Variants in CRIM1 observed in about 807,000 individuals in gnomAD.
The protein encoded by CRIM1 is cysteine rich transmembrane BMP regulator 1.
In CRIM1, 32 loss-of-function variants were observed where a neutral mutation model predicts 116.4. The ratio of observed to expected loss-of-function variants is 0.27; its 90% CI spans 0.21 to 0.37. The LOEUF (loss-of-function observed/expected upper bound fraction) is 0.37, where lower values mean the gene tolerates loss of function less well. CRIM1 is among the 10% of genes least tolerant of loss of function. The pLI, the probability that CRIM1 is intolerant of heterozygous loss-of-function variation, is 1.00. For missense variants in CRIM1, 1,331 were observed against 1,354.8 expected, an observed-to-expected ratio of 0.98 and a Z score of 0.28; for synonymous variants, 590 against 509.2, an observed-to-expected ratio of 1.16 and a Z score of -2.13.
intron 2 of CRIM1, 86 bp from the exon 3 acceptor site, chr2:36,441,172 A>C (rs1675787949): frequency 1.3e-6 from 2 of 1,560,404 alleles, no homozygotes; most frequent in Non-Finnish European, 1.8e-6. Context: ...TGGCTACTTA[A>C]ATAGATCATC....
Position 36,522,257 on chromosome 2 carries a change from C to T in CRIM1, c.2372C>T (p.Ser791Phe). 6.2e-7 allele frequency: 1 copy of T among 1,614,180 alleles called. No homozygotes were observed. The highest frequency in any genetic ancestry group is 8.5e-7 in the Non-Finnish European group (1 of 1,180,032). Reference protein sequence around the residue: ...VISCFSESCPSVSCERPVLRK... With the variant: ...VISCFSESCPFVSCERPVLRK... ...AGCTGTTTCTCTGAGTCCTGCCCTT[C>T]TGTATCCTGTGAAAGACCTGTCTTG... The change falls in exon 13 of 17, where the codon TCT becomes TTT. Residue 791 changes from serine (S) to phenylalanine (F), a missense_variant. Around this residue, in one of 3 missense-constraint regions of CRIM1, gnomAD observed 358 missense variants for 436.1 expected, o/e 0.82. Transcript: ENST00000280527.
intron 4 of CRIM1, among the ~76,000 whole-genome samples, chr2:36,458,982 C>T (rs1677367984): frequency 6.6e-6 from 1 of 152,166 alleles, no homozygotes; most frequent in African/African-American, 2.4e-5. Context: ...CACTTTTAAG[C>T]AATGGTATTC....
intron 1 of CRIM1, among the ~76,000 whole-genome samples, chr2:36,365,640 A>G (rs1167019887): frequency 3.3e-5 from 5 of 152,146 alleles, no homozygotes; most frequent in East Asian, 1.9e-4. Flanking sequence ...GGTAGGAAGA[A>G]CACCTAGAAT....
Position 36,522,081 on chromosome 2 carries a change from C to A in CRIM1, c.2207-11C>A. 2 of 1,612,566 alleles carry A rather than the reference C, an allele frequency of 1.2e-6. No homozygotes were observed. Among genetic ancestry groups the A allele is most frequent in the South Asian group, 1.1e-5 (1 of 91,006 alleles). On this transcript the variant is annotated splice_polypyrimidine_tract_variant and intron_variant, in intron 12 of 16. Transcript: ENST00000280527. ...CATCTTCTTTGCTGACCTATATGTT[C>A]ATTTTTCCAGATCAACCTTTTCGGC...
chr2:36,464,692 T>A (rs753083862), intron 5 of CRIM1, 37 bp downstream of exon 5: 7 of 1,606,766 alleles, frequency 4.4e-6, no homozygotes, highest in Non-Finnish European at 6.0e-6. Flanking sequence ...AGAGTGTACA[T>A]TTGTGCAGAG....
intron 7 of CRIM1, among the ~76,000 whole-genome samples, chr2:36,498,576 T>C (rs2125083794): frequency 6.6e-6 from 1 of 152,346 alleles, no homozygotes; most frequent in South Asian, 2.1e-4. Context: ...TTTAGTGCCC[T>C]TATTCCCAGC....
At position 36,441,315 on chromosome 2, in the gene CRIM1, C is replaced by T. The variant is rs1244936265; in HGVS notation, c.563C>T (p.Pro188Leu). 1 of 1,614,070 alleles carries T rather than the reference C, an allele frequency of 6.2e-7. No homozygotes were observed. Among genetic ancestry groups the T allele is most frequent in the Non-Finnish European group, 8.5e-7 (1 of 1,180,030 alleles). ...GAAGTCCAGTTCTCTCCACGTTGTCCTGAAGATTCTGTTCTGATCGAGGGT... is the reference window on the plus strand; with the variant it reads ...GAAGTCCAGTTCTCTCCACGTTGTCTTGAAGATTCTGTTCTGATCGAGGGT... ...RCEVQFSPRC[P>L]EDSVLIEGYA... Residue 188 changes from proline to leucine, a missense_variant, in exon 3 of 17, where the codon CCT becomes CTT. By Grantham distance (98) the Pro-to-Leu change is moderately conservative. Transcript: ENST00000280527.
intron 13 of CRIM1, among the ~76,000 whole-genome samples, chr2:36,527,625 C>A (rs1487500506): frequency 6.6e-6 from 1 of 152,148 alleles, no homozygotes; most frequent in African/African-American, 2.4e-5. Context: ...GCTTAGATTT[C>A]TGTTTATTTA....
intron 1 of CRIM1, among the ~76,000 whole-genome samples, chr2:36,357,784 C>T (rs958175070): frequency 2.0e-5 from 3 of 152,128 alleles, no homozygotes; most frequent in Non-Finnish European, 4.4e-5. Context: ...GCCCTCTGCC[C>T]GGCGTGCCTT....
chr2:36,516,825 A>G lies in CRIM1; in HGVS notation c.1991-502A>G, dbSNP rs1361418985. Among the ~76,000 whole-genome samples, 4 of 152,332 alleles carry G rather than the reference A, an allele frequency of 2.6e-5. No individual in the cohort carries two copies. The Middle Eastern group carries it at 0.01, about 389-fold the overall frequency. ...AGACATATCCATGATCCAAACAACC[A>G]TAGACTTGGGTTGCAGTTTCCCTCG... On this transcript the variant is annotated intron_variant, in intron 11 of 16. Transcript: ENST00000280527.
At chr2:36,440,933 G>A (rs528445333) in intron 2 of CRIM1, among the ~76,000 whole-genome samples, 1 of 152,270 alleles carries the variant, frequency 6.6e-6, no homozygotes, top group African/African-American at 2.4e-5. Flanking sequence ...CAAGGAATGG[G>A]TCCAGTTTTC....
At chr2:36,418,947 A>G (rs748139937) in intron 2 of CRIM1, among the ~76,000 whole-genome samples, 6 of 152,188 alleles carry the variant, frequency 3.9e-5, no homozygotes, top group Non-Finnish European at 8.8e-5. Flanking sequence ...TTTAAAATCC[A>G]GGCTGTATAG....
intron 14 of CRIM1, among the ~76,000 whole-genome samples, chr2:36,540,502 G>A (rs973611442): frequency 3.1e-4 from 47 of 152,306 alleles, no homozygotes; most frequent in African/African-American, 1.1e-3. Flanking sequence ...ACCTGAGATG[G>A]GAAAAGTCAA....
intron 5 of CRIM1, among the ~76,000 whole-genome samples, chr2:36,471,134 C>T (rs1050405155): frequency 1.3e-5 from 2 of 152,172 alleles, no homozygotes; most frequent in Non-Finnish European, 2.9e-5. Context: ...TTCTTCTTAT[C>T]GATGAGCAAA....
intron 1 of CRIM1, among the ~76,000 whole-genome samples, chr2:36,357,560 C>T (rs917552943): frequency 2.6e-5 from 4 of 152,138 alleles, no homozygotes; most frequent in Admixed American, 1.3e-4. Flanking sequence ...TTGCGTCGGC[C>T]TTCAGGGTGC....
chr2:36,418,183 G>A (rs905930697), intron 2 of CRIM1, among the ~76,000 whole-genome samples: 6 of 152,218 alleles, frequency 3.9e-5, no homozygotes, highest in Non-Finnish European at 8.8e-5. Context: ...AATGTAGCAT[G>A]TTTATAAATA....
intron 8 of CRIM1, among the ~76,000 whole-genome samples, chr2:36,508,719 C>T (rs1681598606): frequency 6.6e-6 from 1 of 152,066 alleles, no homozygotes; most frequent in South Asian, 2.1e-4. Context: ...TTCTTTTTAA[C>T]CTTAAACATT....
intron 7 of CRIM1, among the ~76,000 whole-genome samples, chr2:36,483,626 C>G (rs1042831708): frequency 6.6e-6 from 1 of 152,162 alleles, no homozygotes; most frequent in African/African-American, 2.4e-5. Context: ...TGCATTATAC[C>G]CTGAAAGAGG....
chr2:36,486,234 A>G (rs906480850), intron 7 of CRIM1, among the ~76,000 whole-genome samples: 1 of 152,214 alleles, frequency 6.6e-6, no homozygotes, highest in Non-Finnish European at 1.5e-5. Context: ...CTTTCTTTAC[A>G]TGTTAGATCC....
Sources: allele counts gnomAD v4.1 joint callset (sites outside exome capture counted in the v4.1 genomes callset), GRCh38; gene constraint gnomAD v4.1.1; regional missense constraint gnomAD v4.1.1; transcripts MANE v1.5; gene names NCBI Gene and HGNC (gene_info 2026-07-23, HGNC 2026-07-21).